AK9: variants seen among roughly 807,000 people sequenced by gnomAD.
AK9 encodes adenylate kinase domain containing 1.
Under a neutral mutation model 239.6 loss-of-function variants are expected in AK9, and 191 were observed. The ratio of observed to expected loss-of-function variants is 0.80; its 90% confidence interval spans 0.71 to 0.90. AK9 has a LOEUF of 0.90. AK9 is among the 40% of genes least tolerant of loss of function. The pLI is 0.00. For missense variants in AK9, 1,995 were observed against 2,214.7 expected (o/e 0.90, Z 1.99); for synonymous variants, 689 against 721.0 (o/e 0.96, Z 0.71).
At chr6:109,593,446 C>A (rs945481987) in intron 17 of AK9, among the ~76,000 whole-genome samples, 3 of 152,068 alleles carry the variant, frequency 2.0e-5, no homozygotes, top group Non-Finnish European at 4.4e-5. Flanking sequence ...CAAAGAGGAG[C>A]CGGTACCATT....
At chr6:109,655,658 T>A (rs1396281418) in intron 8 of AK9, among the ~76,000 whole-genome samples, 2 of 152,206 alleles carry the variant, frequency 1.3e-5, no homozygotes, top group Non-Finnish European at 2.9e-5. Flanking sequence ...TGAGGAAGTA[T>A]AACCTGGTGC....
chr6:109,533,017 C>T (rs1331614245), intron 28 of AK9, among the ~76,000 whole-genome samples: 1 of 152,140 alleles, frequency 6.6e-6, no homozygotes, highest in African/African-American at 2.4e-5. Flanking sequence ...GAAGTCTTGG[C>T]AGTACCACTA....
chr6:109,579,967 A>C (rs551708231), intron 19 of AK9, among the ~76,000 whole-genome samples: 58 of 152,222 alleles, frequency 3.8e-4, no homozygotes, highest in Non-Finnish European at 7.8e-4. Flanking sequence ...TATAATGTCA[A>C]GTAAGAAAAG....
chr6:109,493,896 A>G (rs1304612592), intron 40 of AK9, 85 bp downstream of exon 40: 1 of 1,017,676 alleles, frequency 9.8e-7, no homozygotes. Context: ...CAAGCAGGCA[A>G]CACAGTTTAA....
In AK9 at chr6:109,631,976, T is replaced by C. The variant is rs73527071; in HGVS notation, c.1254+947A>G. The C allele has an allele frequency of 7.1e-3, 1,222 of 172,736 alleles. 26 individuals are homozygous for C. The highest frequency in any genetic ancestry group is 0.026 in the African/African-American group (1,080 of 41,924). 10.7% of individuals were successfully genotyped at this position (172,736 alleles called of 1,614,324 possible). ...CCACGGCAAAACCATAGGAGAAGTA[T>C]GGAAGTGAATGCCATAAAATTCTGG... On this transcript the variant is annotated intron_variant, in intron 12 of 40. Transcript: ENST00000424296.
chr6:109,632,579 G>C, intron 12 of AK9: 1 of 284,250 alleles, frequency 3.5e-6, no homozygotes, highest in South Asian at 7.2e-5. Flanking sequence ...TATATGGGGA[G>C]AGTGAGAGTG....
intron 12 of AK9, among the ~76,000 whole-genome samples, chr6:109,625,601 G>A (rs1795424759): frequency 6.6e-6 from 1 of 152,130 alleles, no homozygotes; most frequent in South Asian, 2.1e-4. Flanking sequence ...CGAGGGATCT[G>A]GTTTGTGTGC....
chr6:109,612,071 T>A lies in AK9; in HGVS notation c.1632A>T (p.Thr544=). The A allele has an allele frequency of 3.2e-6, 5 of 1,540,984 alleles. No homozygotes were observed. Among genetic ancestry groups the A allele is most frequent in the Non-Finnish European group, 4.4e-6 (5 of 1,142,252 alleles). The stretch of plus-strand genomic sequence containing the variant: ...CTTGAGAATGCCTTTTAAATGTGAA[T>A]GTTTCACCAGTTTCTTTTCCATCTG... ...DKDDGKETGE[T]FTFKRHSQDA... The change falls in exon 16 of 41, where the codon ACA becomes ACT. Residue 544 remains threonine, a synonymous_variant. Transcript: ENST00000424296.
intron 17 of AK9, among the ~76,000 whole-genome samples, chr6:109,596,330 T>C (rs1012781442): frequency 3.3e-5 from 5 of 152,196 alleles, no homozygotes; most frequent in African/African-American, 1.2e-4. Context: ...AGAGGGGATC[T>C]GGGCATAGTT....
rs552895093 is a variant in AK9 at position 109,538,777 on chromosome 6, G to A, written c.3350+3270C>T. Among the ~76,000 whole-genome samples, 13 of 152,210 alleles carry A rather than the reference G, an allele frequency of 8.5e-5. 1 individual carries two copies. Among genetic ancestry groups the A allele is most frequent in the Middle Eastern group, 6.8e-3 (2 of 294 alleles). ...CTTTCCATGTTTAGTGCTTCCTTCA[G>A]GAGCTCTTGTAGGGCAGGCCTGGTG... is the stretch of plus-strand genomic sequence containing the variant. On this transcript the variant is annotated intron_variant, in intron 27 of 40. Transcript: ENST00000424296.
At chr6:109,502,174 C>G (rs147358218) in intron 35 of AK9, among the ~76,000 whole-genome samples, 3 of 152,008 alleles carry the variant, frequency 2.0e-5, no homozygotes, top group South Asian at 2.1e-4. Flanking sequence ...TAACTTGCTT[C>G]GAATAAACAG....
In AK9 at chr6:109,495,458, A is replaced by G. The variant is rs1776936937; in HGVS notation, c.5316-18T>C. The G allele has an allele frequency of 6.4e-7, 1 of 1,564,714 alleles. No homozygotes were observed. The highest frequency in any genetic ancestry group is 1.4e-5 in the African/African-American group (1 of 73,638). On this transcript the variant is annotated intron_variant, in intron 38 of 40. Coordinates refer to ENST00000424296, the MANE Select transcript of AK9 (RefSeq NM_001145128.3). ...GTGGCGACCTAAGAACACAAAGTTC[A>G]TTAGATGGATGCTCACAGTTATACT...
intron 10 of AK9, among the ~76,000 whole-genome samples, chr6:109,635,593 G>C (rs955245497): frequency 6.6e-6 from 1 of 152,096 alleles, no homozygotes; most frequent in Non-Finnish European, 1.5e-5. Context: ...AGCGGGGCAG[G>C]GGCAGAAGAA....
chr6:109,615,347 T>C (rs1482453392), intron 13 of AK9, among the ~76,000 whole-genome samples: 2 of 151,890 alleles, frequency 1.3e-5, no homozygotes, highest in Non-Finnish European at 1.5e-5. Flanking sequence ...TCTGTATTGC[T>C]GGTGCCTAGA....
chr6:109,494,682 G>GA (rs1180355535), intron 39 of AK9: 13 of 152,132 alleles, frequency 8.5e-5, no homozygotes, highest in Admixed American at 8.5e-4. Context: ...TAGGCAAGTT[G>GA]AAAAAATCAG....
intron 12 of AK9, among the ~76,000 whole-genome samples, chr6:109,622,047 T>C (rs924130858): frequency 1.3e-4 from 19 of 147,250 alleles, no homozygotes; most frequent in African/African-American, 4.7e-4. Flanking sequence ...TATCAAAATA[T>C]AGATAATACA....
chr6:109,603,949 G>A (rs1246957365), intron 17 of AK9, among the ~76,000 whole-genome samples: 4 of 152,166 alleles, frequency 2.6e-5, no homozygotes, highest in East Asian at 3.9e-4. Flanking sequence ...GGAGTGACCC[G>A]ATTTTCCAGG....
At chr6:109,619,371 T>C in intron 12 of AK9, 135 bp from the exon 13 acceptor site, 1 of 1,034,416 alleles carries the variant, frequency 9.7e-7, no homozygotes, top group Non-Finnish European at 1.3e-6. Context: ...TGAGGTATAT[T>C]TGGAGTTATG....
chr6:109,535,439 T>C (rs1781853296), intron 27 of AK9, among the ~76,000 whole-genome samples: 1 of 152,350 alleles, frequency 6.6e-6, no homozygotes, highest in South Asian at 2.1e-4. Context: ...CTTTGCCCAG[T>C]TGTTGACAGG....
Sources: allele counts gnomAD v4.1 joint callset (sites outside exome capture counted in the v4.1 genomes callset), GRCh38; gene constraint gnomAD v4.1.1; transcripts MANE v1.5; gene names NCBI Gene and HGNC (gene_info 2026-07-23, HGNC 2026-07-21).